The following MPHOSPH8 variants were observed in gnomAD, a reference collection of about 807,000 sequenced individuals.
MPHOSPH8 encodes M-phase phosphoprotein, mpp.
In MPHOSPH8, 45 loss-of-function variants were observed where a neutral mutation model predicts 87.3. That is an observed-to-expected ratio of 0.52 (90% CI 0.41 to 0.66). The LOEUF is 0.66. MPHOSPH8 is among the 30% of genes least tolerant of loss of function. The pLI, the probability that MPHOSPH8 is intolerant of heterozygous loss-of-function variation, is 0.00. For synonymous variants in MPHOSPH8, 366 were observed against 376.9 expected (o/e 0.97, Z 0.33); for missense variants, 883 against 1,020.2 (o/e 0.87, Z 1.83).
At chr13:19,642,937 A>G (rs1334059629) in intron 2 of MPHOSPH8, among the ~76,000 whole-genome samples, 1 of 152,198 alleles carries the variant, frequency 6.6e-6, no homozygotes, top group Non-Finnish European at 1.5e-5. Context: ...ATACTACATA[A>G]CTACCATACA....
At chr13:19,651,973 G>A (rs553285239) in intron 5 of MPHOSPH8, among the ~76,000 whole-genome samples, 12 of 151,996 alleles carry the variant, frequency 7.9e-5, no homozygotes, top group East Asian at 1.9e-4. Context: ...ATGGTGGTGC[G>A]TGCCTGCAGT....
At position 19,671,196 on chromosome 13, in the gene MPHOSPH8, T is replaced by TCC; in HGVS notation, c.2458-9_2458-8dup. ...AAAACACTGACTTTTTTTTTCTCTT[T>TCC]CCATTGTAGGACAGTCATTTTGTTT... On this transcript the variant is annotated splice_polypyrimidine_tract_variant and intron_variant, in intron 12 of 13. Coordinates refer to ENST00000361479, the MANE Select transcript of MPHOSPH8 (RefSeq NM_017520.4). The TCC allele has an allele frequency of 6.2e-7, 1 of 1,612,362 alleles. No individual in the cohort carries two copies. Among genetic ancestry groups the TCC allele is most frequent in the Admixed American group, 1.7e-5 (1 of 59,714 alleles).
intron 5 of MPHOSPH8, among the ~76,000 whole-genome samples, chr13:19,653,164 C>T (rs773660341): frequency 6.6e-6 from 1 of 152,208 alleles, no homozygotes; most frequent in African/African-American, 2.4e-5. Flanking sequence ...GGCCAACAGA[C>T]GCCTCATACA....
intron 2 of MPHOSPH8, among the ~76,000 whole-genome samples, chr13:19,642,536 AG>A (rs1360764968): frequency 6.6e-6 from 1 of 152,220 alleles, no homozygotes; most frequent in Non-Finnish European, 1.5e-5. Context: ...AGTAAGGTCA[AG>A]GTGGAGAAAA....
intron 9 of MPHOSPH8, among the ~76,000 whole-genome samples, chr13:19,664,504 G>A (rs1017993206): frequency 1.3e-5 from 2 of 152,152 alleles, no homozygotes; most frequent in Non-Finnish European, 1.5e-5. Context: ...GGGTAGAATC[G>A]GATTAGAGGG....
chr13:19,637,340 A>T (rs374177556), intron 1 of MPHOSPH8, among the ~76,000 whole-genome samples: 10 of 152,182 alleles, frequency 6.6e-5, no homozygotes, highest in East Asian at 1.9e-4. Flanking sequence ...ATTATCAGAA[A>T]TGTAAGAATT....
At chr13:19,637,775 A>G (rs997445533) in intron 1 of MPHOSPH8, among the ~76,000 whole-genome samples, 1 of 152,030 alleles carries the variant, frequency 6.6e-6, no homozygotes, top group Admixed American at 6.6e-5. Context: ...TTCAGTTTTA[A>G]TTATGCCTTT....
intron 1 of MPHOSPH8, among the ~76,000 whole-genome samples, chr13:19,639,956 C>G (rs1874201586): frequency 6.6e-6 from 1 of 152,032 alleles, no homozygotes; most frequent in Admixed American, 6.5e-5. Context: ...CAATACAAAA[C>G]TCAGCTGAGC....
At chr13:19,657,562 G>A (rs1200659499) in intron 5 of MPHOSPH8, among the ~76,000 whole-genome samples, 2 of 151,186 alleles carry the variant, frequency 1.3e-5, no homozygotes, top group East Asian at 1.9e-4. Context: ...GCAAGACTCC[G>A]TCTCAAAAAA....
chr13:19,663,610 C>T (rs910904185), intron 9 of MPHOSPH8, among the ~76,000 whole-genome samples: 22 of 152,144 alleles, frequency 1.4e-4, no homozygotes, highest in Admixed American at 6.5e-4. Context: ...TGTTCTGGAA[C>T]GTGGTTTGCA....
intron 7 of MPHOSPH8, among the ~76,000 whole-genome samples, chr13:19,660,087 G>A (rs1287592390): frequency 1.3e-5 from 2 of 148,206 alleles, no homozygotes; most frequent in Admixed American, 6.8e-5. Context: ...TCAGCCTCCC[G>A]AGTAGCTGGA....
At position 19,633,892 on chromosome 13, in the gene MPHOSPH8, T is replaced by C. The variant is rs1388203460; in HGVS notation, c.144T>C (p.Phe48=). The change falls in exon 1 of 14, where the codon TTT becomes TTC. Residue 48 remains phenylalanine, a synonymous_variant. Transcript: ENST00000361479. ...NDAAARGAEA[F]GDSEEDGEDV... is the part of the protein sequence containing the mutation. ...CAGCCGCGAGAGGAGCGGAGGCCTT[T>C]GGCGACAGTGAGGAGGACGGAGAGG... is the stretch of plus-strand genomic sequence containing the variant. 3 of 1,611,624 alleles carry C rather than the reference T, an allele frequency of 1.9e-6. No individual in the cohort carries two copies. Among genetic ancestry groups the C allele is most frequent in the Non-Finnish European group, 2.5e-6 (3 of 1,179,298 alleles).
At chr13:19,648,169 TAA>T (rs1874666838) in intron 3 of MPHOSPH8, among the ~76,000 whole-genome samples, 1 of 151,668 alleles carries the variant, frequency 6.6e-6, no homozygotes. Context: ...TTTTTTTTTT[TAA>T]TAATAAAATT....
In MPHOSPH8 at chr13:19,673,201, G is replaced by A. The variant is rs1410511515; in HGVS notation, c.*1326G>A. 1.1e-5 allele frequency: 5 copies of A among 437,704 alleles called. No individual in the cohort carries two copies. Among genetic ancestry groups the A allele is most frequent in the Non-Finnish European group, 2.2e-5 (5 of 222,280 alleles). 27.1% of individuals were successfully genotyped at this position (437,704 alleles called of 1,614,324 possible). A position where few individuals can be genotyped will look rare whatever the true frequency, so the allele number is the denominator to read the frequency against. Reference sequence around the variant, plus strand: ...AAACCTGGCTGTCAGCTGTGTGGGAGCCACCACCCTCTCTGGGAAGAGTTC... The same window carrying A: ...AAACCTGGCTGTCAGCTGTGTGGGAACCACCACCCTCTCTGGGAAGAGTTC... On this transcript the variant is annotated 3_prime_UTR_variant, in exon 14 of 14. Coordinates refer to ENST00000361479, the MANE Select transcript of MPHOSPH8 (RefSeq NM_017520.4).
chr13:19,639,081 T>TTA (rs1438977141), intron 1 of MPHOSPH8, among the ~76,000 whole-genome samples: 2 of 33,446 alleles, frequency 6.0e-5, no homozygotes, highest in Admixed American at 6.4e-4. Context: ...AGACTCCGTC[T>TTA]CAAAAAAAAA....
intron 7 of MPHOSPH8, 32 bp downstream of exon 7, chr13:19,659,321 A>G (rs761130539): frequency 3.4e-6 from 5 of 1,477,526 alleles, no homozygotes; most frequent in Non-Finnish European, 4.7e-6. Context: ...TCATGAAAGG[A>G]AAATGGAAAG....
chr13:19,644,547 T>C lies in MPHOSPH8; in HGVS notation c.370-1896T>C, dbSNP rs575842890. ...TGATGTTTGTCCAGTCATTTTTGGTTATCTGAAGTTCATGCTTTAGTACCG... is the reference window on the plus strand; with the variant it reads ...TGATGTTTGTCCAGTCATTTTTGGTCATCTGAAGTTCATGCTTTAGTACCG... On this transcript the variant is annotated intron_variant, in intron 2 of 13. Coordinates refer to ENST00000361479, the MANE Select transcript of MPHOSPH8 (RefSeq NM_017520.4). 4.6e-5 allele frequency among the ~76,000 whole-genome samples: 7 copies of C among 152,358 alleles called. No individual in the cohort carries two copies. The South Asian group carries it at 1.2e-3, about 27-fold the overall frequency.
Position 19,652,420 on chromosome 13 carries a change from G to A in MPHOSPH8, c.1576+2160G>A, listed in dbSNP as rs150586660. On this transcript the variant is annotated intron_variant, in intron 5 of 13. Transcript: ENST00000361479. ...GGCCCAGATACTGTGCTTTTCCCAT[G>A]GTCTTCGCAACTCACAGACCAGGAG... 7.8e-3 allele frequency among the ~76,000 whole-genome samples: 1,188 copies of A among 152,284 alleles called. 15 individuals are homozygous for A. The highest frequency in any genetic ancestry group is 0.027 in the African/African-American group (1,102 of 41,556).
chr13:19,667,373 C>T (rs1370750607), intron 10 of MPHOSPH8, among the ~76,000 whole-genome samples: 1 of 152,098 alleles, frequency 6.6e-6, no homozygotes, highest in East Asian at 1.9e-4. Flanking sequence ...TGGCATAATC[C>T]CCTGGAGCGC....
Sources: allele counts gnomAD v4.1 joint callset (sites outside exome capture counted in the v4.1 genomes callset), GRCh38; gene constraint gnomAD v4.1.1; transcripts MANE v1.5; gene names NCBI Gene and HGNC (gene_info 2026-07-23, HGNC 2026-07-21).